The following BTBD3 variants were observed in gnomAD, a reference collection of about 807,000 sequenced individuals.
BTBD3 encodes the protein BTB domain containing 3.
A neutral mutation model predicts 41.6 loss-of-function variants in BTBD3; 14 were observed. The ratio of observed to expected loss-of-function variants is 0.34; its 90% CI spans 0.22 to 0.53. The LOEUF (loss-of-function observed/expected upper bound fraction) is 0.53. Among genes scored for constraint, BTBD3 ranks in the 20% least tolerant of loss-of-function variants. The pLI, the probability that BTBD3 is intolerant of heterozygous loss-of-function variation, is 0.95. For missense variants in BTBD3, 426 were observed against 654.7 expected (o/e 0.65, Z 3.81); for synonymous variants, 249 against 233.7 (o/e 1.07, Z -0.60).
rs1287738653 is a variant in BTBD3 at position 11,924,088 on chromosome 20, A to G, written c.*422A>G. ...GAACTCCTCTTACCCCCCAAAACAG[A>G]TAAACCTCAGTGTACAATTTTGAAA... On this transcript the variant is annotated 3_prime_UTR_variant, in exon 4 of 4. Coordinates refer to ENST00000378226, the MANE Select transcript of BTBD3 (RefSeq NM_014962.4). The G allele has an allele frequency of 1.3e-5, 2 of 158,524 alleles. No homozygotes were observed. Among genetic ancestry groups the G allele is most frequent in the Non-Finnish European group, 2.8e-5 (2 of 72,226 alleles). The allele number at this position is 158,524 out of a possible 1,614,324, so 9.8% of individuals were successfully genotyped here. A position where few individuals can be genotyped will look rare whatever the true frequency, so the allele number is the denominator to read the frequency against.
rs370789350 is a variant in BTBD3 at position 11,923,500 on chromosome 20, C to T, written c.1403C>T (p.Thr468Ile). 23 of 1,613,930 alleles carry T rather than the reference C, an allele frequency of 1.4e-5. No homozygotes were observed. Among genetic ancestry groups the T allele is most frequent in the African/African-American group, 5.3e-5 (4 of 74,860 alleles). ...CAGATCGAGCCAGACACCTTCTACA[C>T]AGCCAGTGTGATACTGGATGGCAAT... ...PVQIEPDTFY[T>I]ASVILDGNEL... The change falls in exon 4 of 4, where the codon ACA becomes ATA. Residue 468 changes from threonine to isoleucine, a missense_variant. Physicochemically the swap from Thr to Ile is moderately conservative, Grantham distance 89. This residue lies in a region of BTBD3 where 321 missense variants were observed against 534.8 expected (regional missense o/e 0.60). Transcript: ENST00000378226. The surrounding 1 kb of genome is among the most constrained non-coding windows in gnomAD (Gnocchi z 5.3).
chr20:11,896,140 A>G (rs967619228), intron 1 of BTBD3, among the ~76,000 whole-genome samples: 11 of 152,358 alleles, frequency 7.2e-5, no homozygotes, highest in Non-Finnish European at 1.5e-4. Context: ...AAGGACTGCC[A>G]TCTGTAATCA....
intron 1 of BTBD3, among the ~76,000 whole-genome samples, chr20:11,904,504 C>G (rs1276654214): frequency 6.6e-6 from 1 of 152,116 alleles, no homozygotes; most frequent in Admixed American, 6.5e-5. Context: ...CTTACAATTA[C>G]GCTTACGATA....
chr20:11,894,266 A>G (rs1429702592), intron 1 of BTBD3, among the ~76,000 whole-genome samples: 1 of 152,206 alleles, frequency 6.6e-6, no homozygotes, highest in East Asian at 1.9e-4. Flanking sequence ...CCTTGTCTGA[A>G]AGTTTAAATA....
intron 1 of BTBD3, among the ~76,000 whole-genome samples, chr20:11,911,525 C>T (rs2056889425): frequency 6.6e-6 from 1 of 152,014 alleles, no homozygotes; most frequent in Admixed American, 6.5e-5. Context: ...TGTCTTGAGC[C>T]ACACATAAAG....
Position 11,904,276 on chromosome 20 carries a change from ATCT to A in BTBD3, c.-126+13325_-126+13327del, listed in dbSNP as rs1381128828. Among the ~76,000 whole-genome samples, 3 of 152,184 alleles carry A rather than the reference ATCT, an allele frequency of 2.0e-5. No individual in the cohort carries two copies. In the East Asian group the frequency reaches 5.8e-4, roughly 29 times the overall value. ...CAGAAAGTAAAGGGGAAGCAAGTAC[ATCT>A]TCACGCGCTGGCAGGAGAGAGCAAG... On this transcript the variant is annotated intron_variant, in intron 1 of 4. Coordinates refer to the BTBD3 transcript ENST00000254977.
At chr20:11,914,559 G>A (rs1295427491), upstream of BTBD3, among the ~76,000 whole-genome samples, 1 of 151,760 alleles carries the variant, frequency 6.6e-6, no homozygotes, top group Non-Finnish European at 1.5e-5. Context: ...AACCTAGTAT[G>A]TTCATGTATA....
intron 1 of BTBD3, among the ~76,000 whole-genome samples, chr20:11,903,898 G>A (rs540122765): frequency 6.6e-6 from 1 of 152,054 alleles, no homozygotes; most frequent in Non-Finnish European, 1.5e-5. Flanking sequence ...GTGAGCCACC[G>A]CTCTTAATTT....
chr20:11,923,315 C>T lies in BTBD3; in HGVS notation c.1218C>T (p.Phe406=). Residue 406 remains phenylalanine (F), a synonymous_variant, in exon 4 of 4, where the codon TTC becomes TTT. Coordinates refer to ENST00000378226, the MANE Select transcript of BTBD3 (RefSeq NM_014962.4). The surrounding 1 kb of genome is among the most constrained non-coding windows in gnomAD (Gnocchi z 5.3). ...SIQFAVDKRV[F]IAGFGLYGSS... ...AGTTTGCAGTTGATAAAAGAGTGTTCATTGCTGGCTTTGGGCTGTATGGCT... is the reference window on the plus strand; with the variant it reads ...AGTTTGCAGTTGATAAAAGAGTGTTTATTGCTGGCTTTGGGCTGTATGGCT... 1 of 1,614,200 alleles carries T rather than the reference C, an allele frequency of 6.2e-7. No homozygotes were observed. Among genetic ancestry groups the T allele is most frequent in the Non-Finnish European group, 8.5e-7 (1 of 1,180,046 alleles).
intron 1 of BTBD3, chr20:11,891,038 G>C: frequency 1.1e-6 from 1 of 927,200 alleles, no homozygotes; most frequent in Non-Finnish European, 1.3e-6. Flanking sequence ...CGCGCGCCCT[G>C]CGGCCGGCCG....
At chr20:11,908,744 T>G (rs917305832) in intron 1 of BTBD3, among the ~76,000 whole-genome samples, 1 of 152,174 alleles carries the variant, frequency 6.6e-6, no homozygotes. Context: ...CAATTTTTAT[T>G]CTGATTATAA....
intron 2 of BTBD3, 198 bp from the exon 3 acceptor site, chr20:11,919,520 T>C: frequency 1.7e-6 from 2 of 1,206,336 alleles, no homozygotes; most frequent in Non-Finnish European, 2.2e-6. Context: ...CATTAATCTC[T>C]TAAAGCTTTG....
At chr20:11,891,732 G>T (rs972489064) in intron 1 of BTBD3, among the ~76,000 whole-genome samples, 1 of 152,182 alleles carries the variant, frequency 6.6e-6, no homozygotes, top group African/African-American at 2.4e-5. Flanking sequence ...CGGGCCTGCT[G>T]GGGATCCCTA....
At chr20:11,893,918 T>C (rs765435557) in intron 1 of BTBD3, among the ~76,000 whole-genome samples, 2 of 152,238 alleles carry the variant, frequency 1.3e-5, no homozygotes, top group Non-Finnish European at 2.9e-5. Flanking sequence ...ATTAGAGACG[T>C]TTCCTTTTTC....
At chr20:11,919,521 T>A in intron 2 of BTBD3, 197 bp from the exon 3 acceptor site, 1 of 1,201,730 alleles carries the variant, frequency 8.3e-7, no homozygotes, top group Non-Finnish European at 1.1e-6. Flanking sequence ...ATTAATCTCT[T>A]AAAGCTTTGA....
chr20:11,902,600 A>C (rs1568609341), intron 1 of BTBD3, among the ~76,000 whole-genome samples: 1 of 152,228 alleles, frequency 6.6e-6, no homozygotes. Context: ...GATTAGCATC[A>C]TATGGCACTT....
intron 1 of BTBD3, among the ~76,000 whole-genome samples, chr20:11,902,359 CCT>C (rs2056829047): frequency 6.6e-6 from 1 of 152,108 alleles, no homozygotes. Flanking sequence ...CAGCTACAGA[CCT>C]CAATCTACAG....
At chr20:11,905,568 C>T (rs1202198800) in intron 1 of BTBD3, among the ~76,000 whole-genome samples, 1 of 152,120 alleles carries the variant, frequency 6.6e-6, no homozygotes, top group South Asian at 2.1e-4. Context: ...GCCGTTTTAC[C>T]GCTATGCGTA....
chr20:11,913,122 T>C (rs1417949938), upstream of BTBD3, among the ~76,000 whole-genome samples: 1 of 152,236 alleles, frequency 6.6e-6, no homozygotes, highest in Non-Finnish European at 1.5e-5. Context: ...ATTTCTTCAG[T>C]CTACCTTACC....
Sources: gnomAD v4.1 joint callset for allele counts (sites outside exome capture counted in the v4.1 genomes callset) on GRCh38, gnomAD v4.1.1 for gene constraint, gnomAD v4.1.1 regional missense constraint, Gnocchi (gnomAD v3.1) non-coding constraint, MANE v1.5 for transcripts, NCBI Gene and HGNC (gene_info 2026-07-23, HGNC 2026-07-21) for gene names.